Variants in NAALADL2 observed in about 807,000 individuals in gnomAD.
The protein encoded by NAALADL2 is inactive N-acetylated-alpha-linked acidic dipeptidase-like protein 2.
A neutral mutation model predicts 87.2 loss-of-function variants in NAALADL2; 76 were observed. That is an observed-to-expected ratio of 0.87 (90% CI 0.72 to 1.05). The LOEUF (loss-of-function observed/expected upper bound fraction) is 1.05, where lower values mean the gene tolerates loss of function less well. NAALADL2 is among the 50% of genes least tolerant of loss of function. The pLI is 0.00. For synonymous variants in NAALADL2, 354 were observed against 331.0 expected, an observed-to-expected ratio of 1.07 and a Z score of -0.75; for missense variants, 1,089 against 945.8, an observed-to-expected ratio of 1.15 and a Z score of -1.99.
At position 174,885,492 on chromosome 3, in the gene NAALADL2, T is replaced by A. The variant is rs982252871; in HGVS notation, c.43+26042T>A. On this transcript the variant is annotated intron_variant, in intron 1 of 13. Coordinates refer to ENST00000454872, the MANE Select transcript of NAALADL2 (RefSeq NM_207015.3). ...GGTATTATGTATAGAGTCACTAAACTCCTTGCCTCCCACGAATGATGAATC... is the reference window on the plus strand; with the variant it reads ...GGTATTATGTATAGAGTCACTAAACACCTTGCCTCCCACGAATGATGAATC... Among the ~76,000 whole-genome samples the A allele has an allele frequency of 2.6e-5, 4 of 152,130 alleles. No homozygotes were observed. The East Asian group carries it at 5.8e-4, about 22-fold the overall frequency.
chr3:175,745,732 A>G (rs1025033596), intron 12 of NAALADL2, among the ~76,000 whole-genome samples: 3 of 152,174 alleles, frequency 2.0e-5, no homozygotes, highest in Admixed American at 6.5e-5. Flanking sequence ...AGAGGAAGGT[A>G]TCAAAAACAA....
chr3:175,718,135 T>G, intron 11 of NAALADL2: 1 of 1,060,942 alleles, frequency 9.4e-7, no homozygotes, highest in East Asian at 2.5e-5. Context: ...CTAGAAAATT[T>G]ACTACTGTGG....
chr3:174,730,521 G>A (rs75530220), intron 2 of NAALADL2, among the ~76,000 whole-genome samples: 4,692 of 152,066 alleles, frequency 0.031, 93 homozygotes, highest in African/African-American at 0.051. Context: ...TGAATAAAAT[G>A]TTCATATGAA....
chr3:174,798,997 C>T (rs931868659), intron 3 of NAALADL2, among the ~76,000 whole-genome samples: 1 of 152,016 alleles, frequency 6.6e-6, no homozygotes, highest in African/African-American at 2.4e-5. Context: ...TGGTGAAACC[C>T]TGCCTGTACT....
chr3:174,609,691 C>A (rs563254990), intron 2 of NAALADL2, among the ~76,000 whole-genome samples: 3 of 152,250 alleles, frequency 2.0e-5, no homozygotes, highest in African/African-American at 7.2e-5. Flanking sequence ...AGGAACATTC[C>A]ATTCTCATGG....
At position 175,714,013 on chromosome 3, in the gene NAALADL2, G is replaced by C. The variant is rs369679534; in HGVS notation, c.1897-23293G>C. Among the ~76,000 whole-genome samples the C allele has an allele frequency of 1.2e-4, 18 of 152,244 alleles. 1 individual carries two copies. Among genetic ancestry groups the C allele is most frequent in the African/African-American group, 3.8e-4 (16 of 41,560 alleles). ...TTCTATTCCTGTATTAGTTTGCTGA[G>C]AATGATGGTTTCCAGCTTCACCCAT... is the stretch of plus-strand genomic sequence containing the variant. On this transcript the variant is annotated intron_variant, in intron 11 of 13. Coordinates refer to ENST00000454872, the MANE Select transcript of NAALADL2 (RefSeq NM_207015.3).
intron 9 of NAALADL2, among the ~76,000 whole-genome samples, chr3:175,575,510 G>A (rs1718733492): frequency 6.6e-6 from 1 of 151,890 alleles, no homozygotes; most frequent in Non-Finnish European, 1.5e-5. Flanking sequence ...GTCTCAAACT[G>A]CTAACCTCAG....
At chr3:174,514,831 T>C (rs1436469124) in intron 1 of NAALADL2, among the ~76,000 whole-genome samples, 1 of 152,122 alleles carries the variant, frequency 6.6e-6, no homozygotes, top group Non-Finnish European at 1.5e-5. Context: ...TCTTTCATCA[T>C]TGATTTGTGC....
At chr3:174,782,993 T>G (rs1176374106) in intron 3 of NAALADL2, among the ~76,000 whole-genome samples, 2 of 152,166 alleles carry the variant, frequency 1.3e-5, no homozygotes. Flanking sequence ...ATATTTAAGA[T>G]GAAGGTACTT....
At chr3:174,867,072 A>C (rs1727236552) in intron 1 of NAALADL2, among the ~76,000 whole-genome samples, 1 of 151,906 alleles carries the variant, frequency 6.6e-6, no homozygotes, top group African/African-American at 2.4e-5. Context: ...GTATGTAGGT[A>C]ATAGAATGTT....
At chr3:175,466,160 T>TA (rs200871599) in intron 7 of NAALADL2, among the ~76,000 whole-genome samples, 2,791 of 152,236 alleles carry the variant, frequency 0.018, 35 homozygotes, top group Non-Finnish European at 0.027. Context: ...GGACATCTGG[T>TA]AAAAAAATGA....
intron 10 of NAALADL2, among the ~76,000 whole-genome samples, chr3:175,621,552 C>A (rs1026576706): frequency 6.6e-6 from 1 of 152,064 alleles, no homozygotes; most frequent in African/African-American, 2.4e-5. Flanking sequence ...ATTCTCCATG[C>A]GGAAATACGG....
chr3:175,642,701 C>T (rs1405257749), intron 11 of NAALADL2, among the ~76,000 whole-genome samples: 3 of 152,022 alleles, frequency 2.0e-5, no homozygotes, highest in African/African-American at 7.2e-5. Flanking sequence ...GGGGTTTCAC[C>T]GTGTTAGCCA....
intron 1 of NAALADL2, among the ~76,000 whole-genome samples, chr3:174,489,347 C>G (rs867033054): frequency 1.3e-5 from 2 of 151,894 alleles, no homozygotes; most frequent in African/African-American, 4.8e-5. Flanking sequence ...TCAAAATGGA[C>G]CATAAGCCTG....
intron 1 of NAALADL2, among the ~76,000 whole-genome samples, chr3:174,957,737 A>C (rs1741364075): frequency 6.6e-6 from 1 of 151,980 alleles, no homozygotes; most frequent in African/African-American, 2.4e-5. Flanking sequence ...CAGAGATGAC[A>C]GATTCATAGT....
chr3:174,818,314 T>A (rs1579059104), intron 3 of NAALADL2, among the ~76,000 whole-genome samples: 2 of 152,186 alleles, frequency 1.3e-5, no homozygotes. Flanking sequence ...AGCCAAATTC[T>A]AAACCTCTTC....
chr3:175,116,397 A>C (rs927745636), intron 2 of NAALADL2, among the ~76,000 whole-genome samples: 2 of 152,112 alleles, frequency 1.3e-5, no homozygotes, highest in African/African-American at 2.4e-5. Flanking sequence ...TCAGGATACA[A>C]AATCAATGTG....
At chr3:174,886,527 A>T (rs2109758725) in intron 1 of NAALADL2, among the ~76,000 whole-genome samples, 1 of 152,298 alleles carries the variant, frequency 6.6e-6, no homozygotes, top group Non-Finnish European at 1.5e-5. Flanking sequence ...CACACTTGCC[A>T]TGAGGTGTCC....
chr3:175,590,549 T>C (rs1333192246), intron 10 of NAALADL2, among the ~76,000 whole-genome samples: 1 of 152,128 alleles, frequency 6.6e-6, no homozygotes, highest in Non-Finnish European at 1.5e-5. Context: ...GGAATCTATG[T>C]TCAAATTTAG....
Sources: gnomAD v4.1 joint callset for allele counts (sites outside exome capture counted in the v4.1 genomes callset) on GRCh38, gnomAD v4.1.1 for gene constraint, MANE v1.5 for transcripts, NCBI Gene and HGNC (gene_info 2026-07-23, HGNC 2026-07-21) for gene names.